AGBL4: variants seen among roughly 807,000 people sequenced by gnomAD.
The protein encoded by AGBL4 is AGBL carboxypeptidase 4.
A neutral mutation model predicts 66.4 loss-of-function variants in AGBL4; 58 were observed. The ratio of observed to expected loss-of-function variants is 0.87; its 90% CI spans 0.71 to 1.09. The LOEUF (loss-of-function observed/expected upper bound fraction) is 1.09. Ranked by LOEUF, AGBL4 falls within the 50% of genes least tolerant of loss-of-function variation. The pLI is 0.00. For synonymous variants in AGBL4, 234 were observed against 222.9 expected, an observed-to-expected ratio of 1.05 and a Z score of -0.44; for missense variants, 579 against 631.0, an observed-to-expected ratio of 0.92 and a Z score of 0.88.
intron 1 of AGBL4, among the ~76,000 whole-genome samples, chr1:49,867,773 G>A (rs900417260): frequency 6.6e-6 from 1 of 152,074 alleles, no homozygotes; most frequent in African/African-American, 2.4e-5. Flanking sequence ...AAAACACACT[G>A]AAGTACAAAA....
intron 6 of AGBL4, among the ~76,000 whole-genome samples, chr1:48,710,480 G>A (rs1441526782): frequency 1.3e-5 from 2 of 152,184 alleles, no homozygotes; most frequent in African/African-American, 4.8e-5. Context: ...GGCATGAGAG[G>A]GAAGGCTCAC....
At chr1:49,081,432 G>T (rs1557624801) in intron 4 of AGBL4, among the ~76,000 whole-genome samples, 1 of 152,190 alleles carries the variant, frequency 6.6e-6, no homozygotes, top group Non-Finnish European at 1.5e-5. Flanking sequence ...GATTGTTTGA[G>T]AATTGTGGTA....
chr1:49,762,414 CTT>C (rs759348883), intron 2 of AGBL4, among the ~76,000 whole-genome samples: 13 of 139,220 alleles, frequency 9.3e-5, no homozygotes, highest in Middle Eastern at 3.8e-3. Context: ...CAATTTTCTT[CTT>C]TTTTTTTTTT....
chr1:48,535,155 T>C (rs2148252208), intron 12 of AGBL4, among the ~76,000 whole-genome samples: 1 of 151,810 alleles, frequency 6.6e-6, no homozygotes, highest in African/African-American at 2.4e-5. Flanking sequence ...GAGAGGACAG[T>C]GAATGTGCAG....
chr1:49,294,348 A>G (rs1644600042), intron 3 of AGBL4, among the ~76,000 whole-genome samples: 1 of 152,200 alleles, frequency 6.6e-6, no homozygotes, highest in Non-Finnish European at 1.5e-5. Flanking sequence ...GTTGTATTCT[A>G]AGAATATGCT....
At chr1:49,316,904 A>G (rs1645048624) in intron 3 of AGBL4, among the ~76,000 whole-genome samples, 1 of 151,866 alleles carries the variant, frequency 6.6e-6, no homozygotes, top group Non-Finnish European at 1.5e-5. Flanking sequence ...ATTCCTTTAG[A>G]AGCACCTTAG....
In AGBL4 at chr1:48,734,553, C is replaced by A. The variant is rs368471169; in HGVS notation, c.635-71312G>T. Among the ~76,000 whole-genome samples the A allele has an allele frequency of 2.6e-5, 4 of 152,308 alleles. No homozygotes were observed. In the East Asian group the frequency reaches 7.7e-4, roughly 29 times the overall value. ...TTCCCAGCCCTACAAGACAGGCTCTCGCCCACCTCCCTGACCTCACTCTTC... is the reference window on the plus strand; with the variant it reads ...TTCCCAGCCCTACAAGACAGGCTCTAGCCCACCTCCCTGACCTCACTCTTC... On this transcript the variant is annotated intron_variant, in intron 6 of 13. Coordinates refer to ENST00000371839, the MANE Select transcript of AGBL4 (RefSeq NM_032785.4).
At chr1:48,873,544 G>A (rs973669256) in intron 5 of AGBL4, among the ~76,000 whole-genome samples, 6 of 152,022 alleles carry the variant, frequency 3.9e-5, no homozygotes, top group Non-Finnish European at 7.4e-5. Context: ...GAAGGCAGGC[G>A]CTGTGCCCTC....
At chr1:48,974,046 T>A (rs1343555739) in intron 5 of AGBL4, among the ~76,000 whole-genome samples, 3 of 152,090 alleles carry the variant, frequency 2.0e-5, no homozygotes, top group Non-Finnish European at 2.9e-5. Flanking sequence ...ATAAATTTAC[T>A]TTGGGAAATG....
chr1:48,537,844 A>T (rs561296979), intron 12 of AGBL4, among the ~76,000 whole-genome samples: 1 of 152,334 alleles, frequency 6.6e-6, no homozygotes, highest in South Asian at 2.1e-4. Context: ...ATCACGAATG[A>T]CTTCTAAGAA....
chr1:49,697,486 CT>C, intron 2 of AGBL4, 49 bp from the exon 3 acceptor site: 1 of 1,380,366 alleles, frequency 7.2e-7, no homozygotes, highest in Middle Eastern at 1.8e-4. Flanking sequence ...GTTCATGCAG[CT>C]CAATGGTACA....
At chr1:49,392,674 T>C (rs1644876119) in intron 3 of AGBL4, among the ~76,000 whole-genome samples, 2 of 150,882 alleles carry the variant, frequency 1.3e-5, no homozygotes, top group South Asian at 4.2e-4. Context: ...ACATGTCAAC[T>C]AATGTGCAAT....
At chr1:49,840,829 A>G (rs977761609) in intron 2 of AGBL4, among the ~76,000 whole-genome samples, 1 of 152,200 alleles carries the variant, frequency 6.6e-6, no homozygotes, top group Non-Finnish European at 1.5e-5. Flanking sequence ...CAACAGGCAG[A>G]CTTGTTATCA....
intron 4 of AGBL4, among the ~76,000 whole-genome samples, chr1:49,077,494 A>G (rs1034246780): frequency 1.3e-5 from 2 of 152,144 alleles, no homozygotes; most frequent in African/African-American, 4.8e-5. Context: ...AGATATATCA[A>G]ACTAAAACTG....
chr1:48,827,794 T>C (rs1437008600), intron 6 of AGBL4, among the ~76,000 whole-genome samples: 1 of 151,978 alleles, frequency 6.6e-6, no homozygotes, highest in African/African-American at 2.4e-5. Context: ...GATATTCCCT[T>C]TTACAAATGG....
intron 1 of AGBL4, among the ~76,000 whole-genome samples, chr1:49,855,790 C>T (rs1400806075): frequency 2.0e-5 from 3 of 152,016 alleles, no homozygotes; most frequent in Non-Finnish European, 4.4e-5. Flanking sequence ...TAAATTACTA[C>T]ATCAATAAAG....
At chr1:49,622,400 C>A (rs970910632) in intron 3 of AGBL4, among the ~76,000 whole-genome samples, 1 of 151,760 alleles carries the variant, frequency 6.6e-6, no homozygotes, top group Non-Finnish European at 1.5e-5. Context: ...GAGGCCGAGG[C>A]GGGCGGATCA....
intron 5 of AGBL4, among the ~76,000 whole-genome samples, chr1:48,957,820 AATCAATCAATTAATC>A (rs896437980): frequency 7.9e-5 from 12 of 152,210 alleles, no homozygotes; most frequent in Non-Finnish European, 1.6e-4. Flanking sequence ...AATGATGATC[AATCAATCAATTAATC>A]ATCAATCAAT....
intron 3 of AGBL4, among the ~76,000 whole-genome samples, chr1:49,563,112 T>G (rs1644095331): frequency 6.6e-6 from 1 of 151,964 alleles, no homozygotes; most frequent in Admixed American, 6.6e-5. Context: ...TCTCTGTTTG[T>G]CTGTTATTGG....
Sources: allele counts gnomAD v4.1 joint callset (sites outside exome capture counted in the v4.1 genomes callset), GRCh38; gene constraint gnomAD v4.1.1; transcripts MANE v1.5; gene names NCBI Gene and HGNC (gene_info 2026-07-23, HGNC 2026-07-21).